KCNC2: variants seen among roughly 807,000 people sequenced by gnomAD.
The protein encoded by KCNC2 is potassium voltage-gated channel subfamily C member 2.
Under a neutral mutation model 44.5 loss-of-function variants are expected in KCNC2, and 21 were observed. The observed-to-expected ratio is 0.47, with a 90% CI of 0.33 to 0.68. The LOEUF is 0.68. KCNC2 is among the 30% of genes least tolerant of loss of function. The pLI, the probability that KCNC2 is intolerant of heterozygous loss-of-function variation, is 0.01. For synonymous variants in KCNC2, 391 were observed against 339.1 expected, an observed-to-expected ratio of 1.15 and a Z score of -1.68; for missense variants, 589 against 826.2, an observed-to-expected ratio of 0.71 and a Z score of 3.52.
At chr12:75,075,429 C>T (rs964388121) in intron 2 of KCNC2, among the ~76,000 whole-genome samples, 2 of 139,442 alleles carry the variant, frequency 1.4e-5, no homozygotes, top group Non-Finnish European at 3.1e-5. Context: ...AATATTAAAT[C>T]CAATTCTCAG....
At chr12:75,121,683 C>T (rs1402016144) in intron 2 of KCNC2, among the ~76,000 whole-genome samples, 1 of 152,144 alleles carries the variant, frequency 6.6e-6, no homozygotes, top group Non-Finnish European at 1.5e-5. Flanking sequence ...AGAGCTAAGT[C>T]CTGTTTCTTT....
At chr12:75,127,952 T>C (rs765047101) in intron 2 of KCNC2, among the ~76,000 whole-genome samples, 2 of 152,166 alleles carry the variant, frequency 1.3e-5, no homozygotes, top group Non-Finnish European at 2.9e-5. Context: ...ATGAATCTAC[T>C]TTTCTTATTA....
intron 2 of KCNC2, among the ~76,000 whole-genome samples, chr12:75,120,592 A>C (rs1420070352): frequency 1.3e-5 from 2 of 152,206 alleles, no homozygotes; most frequent in Non-Finnish European, 2.9e-5. Context: ...AAGCCATGAA[A>C]AGAATATCCT....
chr12:75,113,652 A>G (rs1306937360), intron 2 of KCNC2, among the ~76,000 whole-genome samples: 1 of 152,172 alleles, frequency 6.6e-6, no homozygotes, highest in Admixed American at 6.5e-5. Context: ...AGAGAGACTA[A>G]GAACACATGG....
intron 3 of KCNC2, among the ~76,000 whole-genome samples, chr12:75,048,876 C>T (rs1368964814): frequency 2.6e-5 from 4 of 152,106 alleles, no homozygotes; most frequent in Non-Finnish European, 5.9e-5. Context: ...TGGAACAAGG[C>T]CAACTTCTCC....
At chr12:75,142,312 G>A (rs542656642) in intron 2 of KCNC2, among the ~76,000 whole-genome samples, 1 of 152,166 alleles carries the variant, frequency 6.6e-6, no homozygotes, top group Non-Finnish European at 1.5e-5. Context: ...ATCTGCAAAT[G>A]TGAATTTCTC....
chr12:75,082,216 T>C (rs1200955602), intron 2 of KCNC2, among the ~76,000 whole-genome samples: 1 of 151,846 alleles, frequency 6.6e-6, no homozygotes, highest in Non-Finnish European at 1.5e-5. Flanking sequence ...ACTTAGGAAG[T>C]TTTAAATCCT....
chr12:75,177,088 A>G (rs1410955929), intron 2 of KCNC2, among the ~76,000 whole-genome samples: 2 of 150,250 alleles, frequency 1.3e-5, no homozygotes, highest in Non-Finnish European at 3.0e-5. Context: ...AACTCTGTAT[A>G]TTGGAAAATG....
chr12:75,175,087 AAGC>A (rs1892093189), intron 2 of KCNC2, among the ~76,000 whole-genome samples: 1 of 151,906 alleles, frequency 6.6e-6, no homozygotes, highest in South Asian at 2.1e-4. Flanking sequence ...GGCAAGAGAG[AAGC>A]AGAAGACAGC....
Position 75,205,552 on chromosome 12 carries a change from C to A in KCNC2, c.687+1745G>T, listed in dbSNP as rs566992883. On this transcript the variant is annotated intron_variant, in intron 2 of 4. Coordinates refer to ENST00000549446, the MANE Select transcript of KCNC2 (RefSeq NM_139137.4). ...TCATGGCAATGATAAAAGTTGAACACCTTCTTAAAGTTTTTGCTATGCAAT... is the reference window on the plus strand; with the variant it reads ...TCATGGCAATGATAAAAGTTGAACAACTTCTTAAAGTTTTTGCTATGCAAT... 3.3e-5 allele frequency among the ~76,000 whole-genome samples: 5 copies of A among 152,230 alleles called. No homozygotes were observed. In the East Asian group the frequency reaches 5.8e-4, roughly 18 times the overall value.
chr12:75,090,678 T>G (rs1885399401), intron 2 of KCNC2, among the ~76,000 whole-genome samples: 1 of 151,716 alleles, frequency 6.6e-6, no homozygotes, highest in Non-Finnish European at 1.5e-5. Flanking sequence ...TGACCCTCAC[T>G]TCCTCGATAT....
At chr12:75,198,873 AT>A (rs1355642346) in intron 2 of KCNC2, among the ~76,000 whole-genome samples, 5 of 151,750 alleles carry the variant, frequency 3.3e-5, no homozygotes, top group African/African-American at 1.2e-4. Context: ...AAAAATTTAT[AT>A]TGGTCCAAAT....
At chr12:75,070,441 A>C (rs967937923) in intron 2 of KCNC2, among the ~76,000 whole-genome samples, 3 of 102,200 alleles carry the variant, frequency 2.9e-5, no homozygotes, top group African/African-American at 1.1e-4. Flanking sequence ...ACAAGAACAA[A>C]ACTCCATCTC....
chr12:75,169,683 CTTTCT>C (rs1264896108), intron 2 of KCNC2, among the ~76,000 whole-genome samples: 2 of 151,474 alleles, frequency 1.3e-5, no homozygotes, highest in East Asian at 1.9e-4. Context: ...TTGTTGTTTT[CTTTCT>C]TTTCTTTCCT....
intron 2 of KCNC2, among the ~76,000 whole-genome samples, chr12:75,106,199 A>C (rs1460621022): frequency 6.6e-6 from 1 of 152,192 alleles, no homozygotes; most frequent in Non-Finnish European, 1.5e-5. Context: ...GTTTTAGCTA[A>C]GTCATGGTGA....
chr12:75,048,786 A>G lies in KCNC2; in HGVS notation c.1616-469T>C, dbSNP rs111926341. Among the ~76,000 whole-genome samples, 17 of 152,232 alleles carry G rather than the reference A, an allele frequency of 1.1e-4. 1 individual carries two copies. The highest frequency in any genetic ancestry group is 4.1e-4 in the African/African-American group (17 of 41,570). ...TGAAAGCATTGTGTCCAAAACTCTT[A>G]ATAAAAATTATTCCAAAGCACACAA... is the stretch of plus-strand genomic sequence containing the variant. On this transcript the variant is annotated intron_variant, in intron 3 of 4. Transcript: ENST00000549446.
At chr12:75,182,293 G>A (rs546299454) in intron 2 of KCNC2, among the ~76,000 whole-genome samples, 2 of 151,728 alleles carry the variant, frequency 1.3e-5, no homozygotes, top group Non-Finnish European at 2.9e-5. Context: ...GGGAGGCCGA[G>A]GGGGGCAGAT....
chr12:75,100,871 A>C (rs191553638), intron 2 of KCNC2, among the ~76,000 whole-genome samples: 1 of 152,136 alleles, frequency 6.6e-6, no homozygotes, highest in Non-Finnish European at 1.5e-5. Flanking sequence ...ATTAGCCTCC[A>C]AAGTGAAGCT....
At chr12:75,192,551 G>T (rs558046577) in intron 2 of KCNC2, among the ~76,000 whole-genome samples, 12 of 152,260 alleles carry the variant, frequency 7.9e-5, no homozygotes, top group Admixed American at 7.2e-4. Flanking sequence ...TGTCACCGTC[G>T]TCCGAGTGAT....
Sources: allele counts gnomAD v4.1 joint callset (sites outside exome capture counted in the v4.1 genomes callset), GRCh38; gene constraint gnomAD v4.1.1; transcripts MANE v1.5; gene names NCBI Gene and HGNC (gene_info 2026-07-23, HGNC 2026-07-21).